Variants in OSGIN2 observed in about 807,000 individuals in gnomAD.
OSGIN2 encodes oxidative stress induced growth inhibitor family member 2, also known as oxidative stress-induced growth inhibitor 2.
A neutral mutation model predicts 53.8 loss-of-function variants in OSGIN2; 19 were observed. That is an observed-to-expected ratio of 0.35 (90% CI 0.25 to 0.52). The LOEUF is 0.52. OSGIN2 is among the 20% of genes least tolerant of loss of function. The probability of loss-of-function intolerance (pLI) is 0.95; values close to 1 mark genes in which losing one functional copy is unlikely to be tolerated. For missense variants in OSGIN2, 520 were observed against 662.7 expected (o/e 0.78, Z 2.36); for synonymous variants, 236 against 236.0 (o/e 1.00, Z 0.00).
At chr8:89,904,196 A>G (rs1378682431) in intron 1 of OSGIN2, among the ~76,000 whole-genome samples, 1 of 152,214 alleles carries the variant, frequency 6.6e-6, no homozygotes, top group African/African-American at 2.4e-5. Context: ...TCACTATGGA[A>G]ACTTTTAGGA....
chr8:89,910,927 A>C (rs1358559226), intron 2 of OSGIN2, among the ~76,000 whole-genome samples: 1 of 152,196 alleles, frequency 6.6e-6, no homozygotes, highest in East Asian at 1.9e-4. Context: ...AATTTCTTAA[A>C]TATATGTTTT....
chr8:89,917,250 C>T (rs1809099355), intron 4 of OSGIN2, among the ~76,000 whole-genome samples: 1 of 152,220 alleles, frequency 6.6e-6, no homozygotes, highest in South Asian at 2.1e-4. Flanking sequence ...GTCATAACTA[C>T]TCAACTTGTA....
At position 89,927,378 on chromosome 8, in the gene OSGIN2, T is replaced by C. The variant is rs1281643534; in HGVS notation, c.*1846T>C. On this transcript the variant is annotated 3_prime_UTR_variant, in exon 6 of 6. Coordinates refer to ENST00000451899, the MANE Select transcript of OSGIN2 (RefSeq NM_001126111.3). ...GTGAATAATTTCATCTTTGGTAATC[T>C]CCCATTTCCTGAGTTCTTCCTCAAT... 3 of 152,148 alleles carry C rather than the reference T, an allele frequency of 2.0e-5. No individual in the cohort carries two copies. Among genetic ancestry groups the C allele is most frequent in the Admixed American group, 6.6e-5 (1 of 15,264 alleles). The allele number at this position is 152,148 out of a possible 1,614,324, so 9.4% of individuals were successfully genotyped here. A position where few individuals can be genotyped will look rare whatever the true frequency, so the allele number is the denominator to read the frequency against.
chr8:89,911,593 G>A (rs2130697155), intron 2 of OSGIN2, among the ~76,000 whole-genome samples: 1 of 148,376 alleles, frequency 6.7e-6, no homozygotes, highest in East Asian at 2.0e-4. Flanking sequence ...TTGCGCCATT[G>A]TACTCCAGCT....
At chr8:89,924,458 T>C (rs778670761) in intron 5 of OSGIN2, 45 bp from the exon 6 acceptor site, 2 of 1,382,752 alleles carry the variant, frequency 1.4e-6, no homozygotes, top group Non-Finnish European at 2.0e-6. Flanking sequence ...TCATGGAAAC[T>C]GAAAGTAGTA....
chr8:89,909,049 TAC>T (rs72199244), intron 1 of OSGIN2, among the ~76,000 whole-genome samples: 2,604 of 99,658 alleles, frequency 0.026, 143 homozygotes, highest in African/African-American at 0.12. Context: ...TATATATATA[TAC>T]ATATATATAT....
intron 5 of OSGIN2, among the ~76,000 whole-genome samples, chr8:89,923,516 A>G (rs898576963): frequency 6.6e-6 from 1 of 152,246 alleles, no homozygotes. Context: ...TACTTTGGGT[A>G]CCAATGCAAC....
upstream of OSGIN2, chr8:89,902,110 G>A (rs1808729248): frequency 6.6e-6 from 1 of 152,298 alleles, no homozygotes; most frequent in Non-Finnish European, 1.5e-5. Flanking sequence ...CCGGCAGCGC[G>A]AGGAAATGCC....
chr8:89,910,130 G>A (rs1016520485), intron 2 of OSGIN2, among the ~76,000 whole-genome samples: 9 of 152,262 alleles, frequency 5.9e-5, no homozygotes, highest in Middle Eastern at 3.4e-3. Context: ...GTTGAGTAAC[G>A]TGCAAGTTAG....
At chr8:89,924,389 C>A in intron 5 of OSGIN2, 114 bp from the exon 6 acceptor site, 1 of 757,654 alleles carries the variant, frequency 1.3e-6, no homozygotes, top group Non-Finnish European at 2.2e-6. Flanking sequence ...TAATGTATAG[C>A]TAAGACAGTC....
chr8:89,906,137 CAT>C (rs549915971), intron 1 of OSGIN2, among the ~76,000 whole-genome samples: 324 of 152,274 alleles, frequency 2.1e-3, no homozygotes, highest in African/African-American at 7.4e-3. Context: ...CATAGGTAAA[CAT>C]GTGTCATGGG....
intron 1 of OSGIN2, among the ~76,000 whole-genome samples, chr8:89,909,040 ATATATAT>A (rs1808910045): frequency 8.4e-5 from 8 of 94,906 alleles, no homozygotes; most frequent in African/African-American, 6.6e-4. Context: ...AAAAAAAAAT[ATATATAT>A]ATACATATAT....
At chr8:89,908,968 G>A (rs1470218219) in intron 1 of OSGIN2, among the ~76,000 whole-genome samples, 2 of 117,632 alleles carry the variant, frequency 1.7e-5, no homozygotes, top group East Asian at 2.4e-4. Flanking sequence ...CCATGCTTGC[G>A]CCATTATACT....
At chr8:89,921,270 T>C (rs573663057) in intron 5 of OSGIN2, 99 bp downstream of exon 5, 40 of 667,654 alleles carry the variant, frequency 6.0e-5, no homozygotes, top group Non-Finnish European at 9.7e-5. Context: ...CTGAAGAATA[T>C]AAATGTACGT....
In OSGIN2 at chr8:89,924,944, G is replaced by A; in HGVS notation, c.1062G>A (p.Gly354=). 1 of 1,614,172 alleles carries A rather than the reference G, an allele frequency of 6.2e-7. No homozygotes were observed. The highest frequency in any genetic ancestry group is 8.5e-7 in the Non-Finnish European group (1 of 1,180,006). The change falls in exon 6 of 6, where the codon GGG becomes GGA. Residue 354 remains glycine (G), a synonymous_variant. Coordinates refer to ENST00000451899, the MANE Select transcript of OSGIN2 (RefSeq NM_001126111.3). The stretch of plus-strand genomic sequence containing the variant: ...ATCCAGTGTTAATTGTAGGTTCTGG[G>A]CTTACTGCCGCTGACGCAGTACTGT... ...KVDPVLIVGS[G]LTAADAVLCA... is the part of the protein sequence containing the mutation.
At chr8:89,915,481 A>G (rs1809059086) in intron 4 of OSGIN2, among the ~76,000 whole-genome samples, 1 of 152,230 alleles carries the variant, frequency 6.6e-6, no homozygotes, top group African/African-American at 2.4e-5. Flanking sequence ...GAGGGTAGAT[A>G]CAATTCGGTT....
intron 1 of OSGIN2, among the ~76,000 whole-genome samples, chr8:89,909,301 G>A (rs1258964709): frequency 6.6e-6 from 1 of 151,734 alleles, no homozygotes; most frequent in East Asian, 1.9e-4. Context: ...TTGATCATGA[G>A]AGAACTGCTT....
chr8:89,926,377 A>G lies in OSGIN2; in HGVS notation c.*845A>G, dbSNP rs939119237. On this transcript the variant is annotated 3_prime_UTR_variant, in exon 6 of 6. Transcript: ENST00000451899. ...TTTAATGAATCTGATTTGTAGTTCA[A>G]TAAATTGTGGGTTGAACTACTTATC... 2.6e-5 allele frequency: 4 copies of G among 152,658 alleles called. No individual in the cohort carries two copies. Among genetic ancestry groups the G allele is most frequent in the African/African-American group, 7.2e-5 (3 of 41,464 alleles). 9.5% of individuals were successfully genotyped at this position (152,658 alleles called of 1,614,324 possible).
chr8:89,909,451 T>G (rs1357393472), intron 1 of OSGIN2, 116 bp from the exon 2 acceptor site: 23 of 573,488 alleles, frequency 4.0e-5, no homozygotes, highest in South Asian at 9.6e-5. Context: ...TTTCTTTGCT[T>G]CTTTTATGGA....
Sources: allele counts gnomAD v4.1 joint callset (sites outside exome capture counted in the v4.1 genomes callset), GRCh38; gene constraint gnomAD v4.1.1; transcripts MANE v1.5; gene names NCBI Gene and HGNC (gene_info 2026-07-23, HGNC 2026-07-21).